The following ZFP30 variants were observed in gnomAD, a reference collection of about 807,000 sequenced individuals.
ZFP30 encodes the protein zinc finger protein 30 homolog.
ZFP30 carries 16 observed loss-of-function variants against 12.3 expected under a neutral mutation model. The ratio of observed to expected loss-of-function variants is 1.30; its 90% confidence interval spans 0.88 to 1.98. ZFP30 has a LOEUF of 1.98. Among genes scored for constraint, ZFP30 ranks in the 30% most tolerant of loss-of-function variants. The pLI is 0.00. For missense variants in ZFP30, 560 were observed against 611.2 expected (o/e 0.92, Z 0.88); for synonymous variants, 172 against 201.0 (o/e 0.86, Z 1.22).
At position 37,635,356 on chromosome 19, in the gene ZFP30, T is replaced by C; in HGVS notation, c.1185A>G (p.Ser395=). The change falls in exon 6 of 6, where the codon TCA becomes TCG. Residue 395 remains serine (S), a synonymous_variant. Coordinates refer to ENST00000684514, the MANE Select transcript of ZFP30 (RefSeq NM_001320669.3). ...KECQKFFRRY[S]ELISHQGIHI... Reference sequence around the variant, plus strand: ...GAATACCCTGATGTGAAATAAGTTCTGAGTAACGACGAAAGAACTTCTGAC... The same window carrying C: ...GAATACCCTGATGTGAAATAAGTTCCGAGTAACGACGAAAGAACTTCTGAC... 1 of 1,614,064 alleles carries C rather than the reference T, an allele frequency of 6.2e-7. No homozygotes were observed. Among genetic ancestry groups the C allele is most frequent in the Non-Finnish European group, 8.5e-7 (1 of 1,179,994 alleles).
At chr19:37,652,797 G>C (rs963607928) in intron 2 of ZFP30, among the ~76,000 whole-genome samples, 1 of 152,076 alleles carries the variant, frequency 6.6e-6, no homozygotes, top group Admixed American at 6.6e-5. Context: ...TTAAATGACT[G>C]GGAAGATAGG....
At chr19:37,636,385 GACC>G in intron 5 of ZFP30, 80 bp from the exon 6 acceptor site, 1 of 1,022,568 alleles carries the variant, frequency 9.8e-7, no homozygotes, top group Non-Finnish European at 1.2e-6. Context: ...AGAAATCGGT[GACC>G]AAAAAAAAAA....
rs532031621 is a variant in ZFP30 at position 37,631,475 on chromosome 19, G to A, written c.*3506C>T. The A allele has an allele frequency of 4.6e-5, 7 of 152,220 alleles. No homozygotes were observed. Among genetic ancestry groups the A allele is most frequent in the African/African-American group, 1.7e-4 (7 of 41,540 alleles). 9.4% of individuals were successfully genotyped at this position (152,220 alleles called of 1,614,324 possible). On this transcript the variant is annotated 3_prime_UTR_variant, in exon 6 of 6. Transcript: ENST00000684514. ...TTCCATTTGAGAAATGGAATATAAT[G>A]ATGTAATACACTGAACATCATGGCT...
intron 2 of ZFP30, among the ~76,000 whole-genome samples, chr19:37,653,202 G>A (rs2044688368): frequency 1.3e-5 from 2 of 151,790 alleles, no homozygotes; most frequent in South Asian, 4.2e-4. Flanking sequence ...AAATCAGTGT[G>A]ACTGAAAAAA....
Position 37,644,605 on chromosome 19 carries a change from C to T in ZFP30, c.136+5G>A. ...AATTATCTGACACAGATATGCTAGG[C>T]TTACCCAGTGACACCAAGTTGCTAT... On this transcript the variant is annotated splice_donor_5th_base_variant and intron_variant, in intron 4 of 5. Coordinates refer to ENST00000684514, the MANE Select transcript of ZFP30 (RefSeq NM_001320669.3). 1 of 1,596,438 alleles carries T rather than the reference C, an allele frequency of 6.3e-7. No homozygotes were observed. The highest frequency in any genetic ancestry group is 8.5e-7 in the Non-Finnish European group (1 of 1,173,026).
intron 5 of ZFP30, among the ~76,000 whole-genome samples, chr19:37,641,140 G>T (rs563810981): frequency 6.6e-6 from 1 of 152,254 alleles, no homozygotes; most frequent in African/African-American, 2.4e-5. Context: ...ATCTATGTCT[G>T]AATTCTTACC....
At chr19:37,650,886 C>T (rs1177941779) in intron 2 of ZFP30, among the ~76,000 whole-genome samples, 1 of 151,996 alleles carries the variant, frequency 6.6e-6, no homozygotes, top group Non-Finnish European at 1.5e-5. Flanking sequence ...TACAGGCACA[C>T]ACCACCACGC....
chr19:37,636,843 TG>T (rs1241993606), intron 5 of ZFP30, among the ~76,000 whole-genome samples: 2 of 152,116 alleles, frequency 1.3e-5, no homozygotes, highest in African/African-American at 4.8e-5. Context: ...CCCTAGTAGC[TG>T]GAATTACAGG....
intron 5 of ZFP30, 83 bp from the exon 6 acceptor site, chr19:37,636,388 CAAAAAAA>C (rs58180098): frequency 3.2e-5 from 29 of 918,120 alleles, no homozygotes; most frequent in Non-Finnish European, 3.6e-5. Flanking sequence ...AATCGGTGAC[CAAAAAAA>C]AAAAAAAAGA....
In ZFP30 at chr19:37,632,394, T is replaced by G. The variant is rs1419780294; in HGVS notation, c.*2587A>C. 3.3e-5 allele frequency: 5 copies of G among 152,146 alleles called. No individual in the cohort carries two copies. Among genetic ancestry groups the G allele is most frequent in the Non-Finnish European group, 2.9e-5 (2 of 68,022 alleles). 9.4% of individuals were successfully genotyped at this position (152,146 alleles called of 1,614,324 possible). A position where few individuals can be genotyped will look rare whatever the true frequency, so the allele number is the denominator to read the frequency against. ...ATAGCTGTCACTTTTATCATTCATA[T>G]AGCTGTAGCTGTGTAATCTTTCATA... On this transcript the variant is annotated 3_prime_UTR_variant, in exon 6 of 6. Coordinates refer to ENST00000684514, the MANE Select transcript of ZFP30 (RefSeq NM_001320669.3).
chr19:37,650,798 AAT>A (rs1184511537), intron 2 of ZFP30, among the ~76,000 whole-genome samples: 2 of 150,948 alleles, frequency 1.3e-5, no homozygotes, highest in Admixed American at 6.6e-5. Flanking sequence ...GCAGTGGCAC[AAT>A]CTCAACTCAC....
In ZFP30 at chr19:37,635,502, T is replaced by C. The variant is rs1261058979; in HGVS notation, c.1039A>G (p.Ile347Val). 6.2e-7 allele frequency: 1 copy of C among 1,614,184 alleles called. No individual in the cohort carries two copies. ...TCATAAGGCTTCTCACCAGTGTGAA[T>C]TCTCTGATGGAGAGTAAGTTGCTGC... ...VRQQLTLHQR[I>V]HTGEKPYDCK... is the part of the protein sequence containing the mutation. The change falls in exon 6 of 6, where the codon ATT (isoleucine) becomes GTT (valine). Residue 347 changes from isoleucine to valine, a missense_variant. Physicochemically the swap from Ile to Val is conservative, Grantham distance 29 (BLOSUM62 3). Coordinates refer to ENST00000684514, the MANE Select transcript of ZFP30 (RefSeq NM_001320669.3).
chr19:37,643,009 C>T (rs908835178), intron 5 of ZFP30, among the ~76,000 whole-genome samples: 7 of 146,442 alleles, frequency 4.8e-5, no homozygotes, highest in South Asian at 2.2e-4. Flanking sequence ...GCAGAGATCG[C>T]GCCACTGCAC....
chr19:37,638,993 C>T (rs933304943), intron 5 of ZFP30, among the ~76,000 whole-genome samples: 7 of 151,914 alleles, frequency 4.6e-5, no homozygotes, highest in African/African-American at 1.4e-4. Context: ...AAAGTATACG[C>T]TAAAAAGATA....
At chr19:37,638,860 G>A (rs947998926) in intron 5 of ZFP30, among the ~76,000 whole-genome samples, 9 of 152,144 alleles carry the variant, frequency 5.9e-5, no homozygotes, top group Non-Finnish European at 1.2e-4. Flanking sequence ...GGGGCTTCTG[G>A]TATCCTAGTA....
intron 4 of ZFP30, 30 bp from the exon 5 acceptor site, chr19:37,643,393 GA>G (rs1233984858): frequency 1.4e-6 from 2 of 1,434,654 alleles, no homozygotes. Context: ...ATATAATAAA[GA>G]ATTTATTTAA....
chr19:37,635,998 A>C lies in ZFP30; in HGVS notation c.543T>G (p.Thr181=), dbSNP rs2044317541. ...CTTTACATTCATAGGGTTTCTCACC[A>C]GTATGAATTCTTTGATGGAAAGTAA... The part of the protein sequence containing the change: ...QQLTFHQRIH[T]GEKPYECKEC... The change falls in exon 6 of 6, where the codon ACT becomes ACG. Residue 181 remains threonine, a synonymous_variant. Transcript: ENST00000684514. The C allele has an allele frequency of 6.2e-7, 1 of 1,614,208 alleles. No homozygotes were observed. The highest frequency in any genetic ancestry group is 1.6e-4 in the Middle Eastern group (1 of 6,062).
intron 3 of ZFP30, among the ~76,000 whole-genome samples, chr19:37,645,533 G>C (rs974803640): frequency 4.0e-5 from 6 of 149,562 alleles, no homozygotes; most frequent in African/African-American, 1.5e-4. Flanking sequence ...GCTACAGCTT[G>C]TGGGCCAGAT....
Position 37,636,105 on chromosome 19 carries a change from G to A in ZFP30, c.436C>T (p.Pro146Ser), listed in dbSNP as rs745325059. 6 of 1,614,136 alleles carry A rather than the reference G, an allele frequency of 3.7e-6. No individual in the cohort carries two copies. The Admixed American group carries it at 5.0e-5, about 13-fold the overall frequency. Reference sequence around the variant, plus strand: ...CTGTTATGACTTTTCTGATACAGAGGAAGAGATGTGAGTTTTCTGTAAGTA... The same window carrying A: ...CTGTTATGACTTTTCTGATACAGAGAAAGAGATGTGAGTTTTCTGTAAGTA... ...MPTYRKLTSL[P>S]LYQKSHNREK... Residue 146 changes from proline to serine, a missense_variant, in exon 6 of 6, where the codon CCT becomes TCT. Physicochemically the swap from Pro to Ser is moderately conservative, Grantham distance 74. Coordinates refer to ENST00000684514, the MANE Select transcript of ZFP30 (RefSeq NM_001320669.3).
Sources: allele counts gnomAD v4.1 joint callset (sites outside exome capture counted in the v4.1 genomes callset), GRCh38; gene constraint gnomAD v4.1.1; transcripts MANE v1.5; gene names NCBI Gene and HGNC (gene_info 2026-07-23, HGNC 2026-07-21).